Variants in FAM227B observed in about 807,000 individuals in gnomAD.
The protein encoded by FAM227B is family with sequence similarity 227 member B.
A neutral mutation model predicts 73.8 loss-of-function variants in FAM227B; 88 were observed. The observed-to-expected ratio is 1.19, with a 90% CI of 1.00 to 1.42. FAM227B has a LOEUF of 1.42. Ranked by LOEUF, FAM227B falls within the 40% of genes most tolerant of loss-of-function variation. FAM227B has a pLI of 0.00. For missense variants in FAM227B, 632 were observed against 590.9 expected (o/e 1.07, Z -0.72); for synonymous variants, 210 against 190.5 (o/e 1.10, Z -0.84).
chr15:49,483,004 T>C, intron 11 of FAM227B: 1 of 650,768 alleles, frequency 1.5e-6, no homozygotes, highest in Non-Finnish European at 2.8e-6. Flanking sequence ...GTATCTGTTG[T>C]GGGTCAGGGG....
At chr15:49,401,583 A>G (rs2048153768) in intron 11 of FAM227B, among the ~76,000 whole-genome samples, 1 of 140,684 alleles carries the variant, frequency 7.1e-6, no homozygotes, top group Non-Finnish European at 1.6e-5. Flanking sequence ...TCACAATAGC[A>G]AAGACTTGGA....
At chr15:49,504,956 A>G (rs1711714064) in intron 11 of FAM227B, among the ~76,000 whole-genome samples, 1 of 152,224 alleles carries the variant, frequency 6.6e-6, no homozygotes, top group African/African-American at 2.4e-5. Flanking sequence ...AAATGTTCAT[A>G]GCAGCTGTAT....
At chr15:49,343,229 CTT>C (rs1567109908) in intron 13 of FAM227B, among the ~76,000 whole-genome samples, 1 of 151,916 alleles carries the variant, frequency 6.6e-6, no homozygotes, top group African/African-American at 2.4e-5. Flanking sequence ...TTTCTTAATT[CTT>C]TTTTTAATTT....
chr15:49,538,014 T>C (rs1273367872), intron 10 of FAM227B, among the ~76,000 whole-genome samples: 2 of 152,158 alleles, frequency 1.3e-5, no homozygotes, highest in African/African-American at 2.4e-5. Context: ...ACAACATTAA[T>C]GTACTAGTTA....
At chr15:49,546,100 C>T (rs914706475) in intron 9 of FAM227B, among the ~76,000 whole-genome samples, 11 of 152,000 alleles carry the variant, frequency 7.2e-5, no homozygotes, top group African/African-American at 1.9e-4. Flanking sequence ...CAATGCTATC[C>T]GTCCCCCCTC....
At chr15:49,335,755 A>C (rs1175661396) in intron 13 of FAM227B, among the ~76,000 whole-genome samples, 1 of 152,242 alleles carries the variant, frequency 6.6e-6, no homozygotes, top group Non-Finnish European at 1.5e-5. Flanking sequence ...AAATCCTGTA[A>C]TTACCTTTTG....
intron 8 of FAM227B, among the ~76,000 whole-genome samples, chr15:49,574,544 G>C (rs929437141): frequency 6.6e-6 from 1 of 152,116 alleles, no homozygotes; most frequent in African/African-American, 2.4e-5. Context: ...CACCATGATT[G>C]TAAGTTTCCT....
At chr15:49,340,122 G>T (rs1267984758) in intron 13 of FAM227B, among the ~76,000 whole-genome samples, 1 of 152,136 alleles carries the variant, frequency 6.6e-6, no homozygotes, top group African/African-American at 2.4e-5. Context: ...CCAGGGGAGT[G>T]AACTGTTCTG....
intron 10 of FAM227B, among the ~76,000 whole-genome samples, chr15:49,521,757 C>T (rs2059803794): frequency 6.6e-6 from 1 of 152,088 alleles, no homozygotes; most frequent in South Asian, 2.1e-4. Context: ...AGATAAAGAA[C>T]AGAATCTATT....
At chr15:49,395,654 G>A (rs2047527994) in intron 11 of FAM227B, among the ~76,000 whole-genome samples, 1 of 152,192 alleles carries the variant, frequency 6.6e-6, no homozygotes, top group African/African-American at 2.4e-5. Context: ...GATATTTGCT[G>A]AGTTATGTGG....
At chr15:49,364,450 G>A (rs951843576) in intron 13 of FAM227B, among the ~76,000 whole-genome samples, 5 of 151,984 alleles carry the variant, frequency 3.3e-5, no homozygotes, top group Non-Finnish European at 7.4e-5. Context: ...TGTGGGGTTG[G>A]TGGCAATGTC....
chr15:49,453,753 A>G (rs901259294), intron 11 of FAM227B, among the ~76,000 whole-genome samples: 1 of 152,150 alleles, frequency 6.6e-6, no homozygotes, highest in African/African-American at 2.4e-5. Flanking sequence ...ACATGTATCT[A>G]ATGGTCACTA....
chr15:49,451,486 GATT>G (rs1331844772), intron 11 of FAM227B, among the ~76,000 whole-genome samples: 6 of 151,964 alleles, frequency 3.9e-5, no homozygotes, highest in East Asian at 1.9e-4. Context: ...TGTATATATA[GATT>G]ATAACATCAA....
Position 49,367,310 on chromosome 15 carries a change from A to G in FAM227B, c.1271+138T>C, listed in dbSNP as rs566762885. The G allele has an allele frequency of 9.1e-4, 655 of 717,978 alleles. 19 individuals carry two copies. The South Asian group carries it at 0.021, about 23-fold the overall frequency. The allele number at this position is 717,978 out of a possible 1,614,324, so 44.5% of individuals were successfully genotyped here. On this transcript the variant is annotated intron_variant, in intron 13 of 15. Coordinates refer to ENST00000299338, the MANE Select transcript of FAM227B (RefSeq NM_152647.3). ...CAAACATACTACCAAAGTTTTAAGC[A>G]TAAGTAAATATTAATACTAAACAGA...
intron 10 of FAM227B, among the ~76,000 whole-genome samples, chr15:49,539,910 T>C (rs1303317618): frequency 3.3e-5 from 5 of 152,154 alleles, no homozygotes; most frequent in Admixed American, 2.0e-4. Flanking sequence ...ATATGAAACA[T>C]GGACATGCAT....
chr15:49,540,163 G>A (rs1345260902), intron 10 of FAM227B, among the ~76,000 whole-genome samples: 1 of 152,226 alleles, frequency 6.6e-6, no homozygotes, highest in African/African-American at 2.4e-5. Flanking sequence ...CCTGAAGACA[G>A]AAAGGATGAA....
At chr15:49,526,509 A>T (rs1288676439) in intron 10 of FAM227B, among the ~76,000 whole-genome samples, 1 of 152,106 alleles carries the variant, frequency 6.6e-6, no homozygotes, top group East Asian at 1.9e-4. Flanking sequence ...GAACAAACTA[A>T]ACCCAAAGCT....
At chr15:49,384,977 T>C (rs967396674) in intron 11 of FAM227B, among the ~76,000 whole-genome samples, 12 of 152,014 alleles carry the variant, frequency 7.9e-5, no homozygotes, top group Admixed American at 5.9e-4. Flanking sequence ...ATTTCAATTA[T>C]ATTCAAAGTG....
At chr15:49,378,678 T>C (rs1239207155) in intron 11 of FAM227B, among the ~76,000 whole-genome samples, 2 of 152,172 alleles carry the variant, frequency 1.3e-5, no homozygotes, top group East Asian at 3.8e-4. Flanking sequence ...TTACTGAATT[T>C]ATCAGTTCTA....
Sources: allele counts gnomAD v4.1 joint callset (sites outside exome capture counted in the v4.1 genomes callset), GRCh38; gene constraint gnomAD v4.1.1; transcripts MANE v1.5; gene names NCBI Gene and HGNC (gene_info 2026-07-23, HGNC 2026-07-21).